Variants in ADCY8 observed in about 807,000 individuals in gnomAD.
ADCY8 encodes adenylate cyclase type 8.
In ADCY8, 51 loss-of-function variants were observed where a neutral mutation model predicts 119.7. The observed-to-expected ratio is 0.43, with a 90% CI of 0.34 to 0.54. The LOEUF (loss-of-function observed/expected upper bound fraction) is 0.54, where lower values mean the gene tolerates loss of function less well. Ranked by LOEUF, ADCY8 falls within the 20% of genes least tolerant of loss-of-function variation. The probability of loss-of-function intolerance (pLI) is 0.03; values close to 1 mark genes in which losing one functional copy is unlikely to be tolerated. For missense variants in ADCY8, 1,383 were observed against 1,598.8 expected (o/e 0.87, Z 2.30); for synonymous variants, 665 against 651.0 (o/e 1.02, Z -0.33).
chr8:130,804,434 T>G (rs1427181083), intron 14 of ADCY8, among the ~76,000 whole-genome samples: 1 of 152,204 alleles, frequency 6.6e-6, no homozygotes, highest in East Asian at 1.9e-4. Context: ...AATTACCTCT[T>G]TAAAGATGCT....
intron 3 of ADCY8, among the ~76,000 whole-genome samples, chr8:130,950,788 C>T (rs944722443): frequency 6.6e-6 from 1 of 152,200 alleles, no homozygotes; most frequent in Non-Finnish European, 1.5e-5. Flanking sequence ...CAACCTCCAC[C>T]TCCCGGGTTC....
intron 1 of ADCY8, among the ~76,000 whole-genome samples, chr8:130,994,753 G>C (rs1351874773): frequency 6.6e-6 from 1 of 152,000 alleles, no homozygotes; most frequent in Non-Finnish European, 1.5e-5. Context: ...TATTCATTTT[G>C]ATGCATACAT....
intron 9 of ADCY8, among the ~76,000 whole-genome samples, chr8:130,861,480 A>C (rs1817927086): frequency 6.6e-6 from 1 of 152,168 alleles, no homozygotes; most frequent in Non-Finnish European, 1.5e-5. Flanking sequence ...TCAAATTTCA[A>C]CGTTAGATGG....
At position 130,937,143 on chromosome 8, in the gene ADCY8, G is replaced by A; in HGVS notation, c.1411C>T (p.Leu471Phe). 1.2e-6 allele frequency: 2 copies of A among 1,613,914 alleles called. No homozygotes were observed. The highest frequency in any genetic ancestry group is 1.7e-6 in the Non-Finnish European group (2 of 1,179,880). ...GCATGGTCCTGGCGGGGCTCAGGAA[G>A]TCCAGACACGCAGTAGTAGCAGTCC... Reference protein sequence around the residue: ...LGDCYYCVSGLPEPRQDHAHC... With the variant: ...LGDCYYCVSGFPEPRQDHAHC... The change falls in exon 5 of 18, where the codon CTT becomes TTT. Residue 471 changes from leucine to phenylalanine, a missense_variant. Around this residue, in one of 2 missense-constraint regions of ADCY8, gnomAD observed 928 missense variants for 1,163.5 expected, o/e 0.80. Transcript: ENST00000286355.
At chr8:130,909,606 C>A (rs1479843974) in intron 6 of ADCY8, 102 bp downstream of exon 6, 9 of 1,383,620 alleles carry the variant, frequency 6.5e-6, no homozygotes, top group Non-Finnish European at 9.0e-6. Flanking sequence ...CAAATAATTG[C>A]TTCCTAGATC....
chr8:130,890,962 C>T (rs1471885324), intron 7 of ADCY8, among the ~76,000 whole-genome samples: 10 of 152,144 alleles, frequency 6.6e-5, no homozygotes, highest in African/African-American at 1.9e-4. Context: ...AAAGACCTAG[C>T]GAGAACGCCA....
In ADCY8 at chr8:131,039,995, G is replaced by A. The variant is rs544419533; in HGVS notation, c.339C>T (p.Ser113=). The stretch of plus-strand genomic sequence containing the variant: ...CGCTGCCGCTGGCACTGCCGCTCCC[G>A]CTGCGTTCCGGGAAGACTTTGGTGC... ...TCGTKVFPER[S]GSGSASGSGG... is the part of the protein sequence containing the mutation. The change falls in exon 1 of 18, where the codon AGC becomes AGT. Residue 113 remains serine (S), a synonymous_variant. Transcript: ENST00000286355. 2.0e-5 allele frequency: 32 copies of A among 1,567,646 alleles called. 1 individual carries two copies. In the East Asian group the frequency reaches 6.6e-4, roughly 32 times the overall value.
intron 12 of ADCY8, among the ~76,000 whole-genome samples, chr8:130,822,535 AATCCATCCATCCATCCATCC>A (rs145398330): frequency 4.2e-4 from 59 of 139,762 alleles, no homozygotes; most frequent in South Asian, 1.2e-3. Flanking sequence ...TGAATCCATG[AATCCATCCATCCATCCATCC>A]ATCCATCCAT....
rs1235929005 is a variant in ADCY8 at position 130,792,878 on chromosome 8, C to T, written c.3061-7403G>A. 6.6e-5 allele frequency among the ~76,000 whole-genome samples: 10 copies of T among 152,258 alleles called. No homozygotes were observed. In the South Asian group the frequency reaches 8.3e-4, roughly 13 times the overall value. ...TAAAAGCCAAAGCCTTTGCTCTGGTCCATGAGGTCCTGTAATATTTGGCAC... is the reference window on the plus strand; with the variant it reads ...TAAAAGCCAAAGCCTTTGCTCTGGTTCATGAGGTCCTGTAATATTTGGCAC... On this transcript the variant is annotated intron_variant, in intron 15 of 17. Transcript: ENST00000286355.
At chr8:130,882,213 G>A (rs1019334656) in intron 8 of ADCY8, among the ~76,000 whole-genome samples, 8 of 150,752 alleles carry the variant, frequency 5.3e-5, no homozygotes, top group Admixed American at 4.0e-4. Context: ...ATAGTAGCTG[G>A]ATTTTGAGAT....
At chr8:130,924,580 T>C (rs1355853738) in intron 5 of ADCY8, among the ~76,000 whole-genome samples, 1 of 152,206 alleles carries the variant, frequency 6.6e-6, no homozygotes, top group Non-Finnish European at 1.5e-5. Flanking sequence ...ATTTGCTGTC[T>C]CTAGGTCTCA....
At chr8:130,893,418 A>C (rs940486483) in intron 7 of ADCY8, among the ~76,000 whole-genome samples, 9 of 152,162 alleles carry the variant, frequency 5.9e-5, no homozygotes, top group African/African-American at 2.2e-4. Flanking sequence ...ATAGGGCCAC[A>C]GGGTAGGTGT....
At chr8:131,010,804 T>G (rs1171521632) in intron 1 of ADCY8, among the ~76,000 whole-genome samples, 1 of 152,238 alleles carries the variant, frequency 6.6e-6, no homozygotes, top group East Asian at 1.9e-4. Context: ...ACAAGCCAAC[T>G]GCTTTATCTG....
chr8:130,799,814 T>C (rs774447673), intron 15 of ADCY8, among the ~76,000 whole-genome samples: 14 of 152,210 alleles, frequency 9.2e-5, no homozygotes, highest in Non-Finnish European at 1.8e-4. Context: ...AATCACTTGC[T>C]TCCCAGCTCA....
chr8:131,000,602 A>G (rs1822912511), intron 1 of ADCY8, among the ~76,000 whole-genome samples: 3 of 152,074 alleles, frequency 2.0e-5, no homozygotes. Flanking sequence ...AAGTTTAGTC[A>G]TTTGCTTGAG....
At chr8:130,908,851 T>C (rs949624138) in intron 6 of ADCY8, among the ~76,000 whole-genome samples, 2 of 152,188 alleles carry the variant, frequency 1.3e-5, no homozygotes, top group Admixed American at 1.3e-4. Context: ...ATTCCACCTC[T>C]TGTTGTCTGT....
At chr8:130,904,483 A>G (rs1819716915) in intron 6 of ADCY8, among the ~76,000 whole-genome samples, 1 of 152,158 alleles carries the variant, frequency 6.6e-6, no homozygotes, top group South Asian at 2.1e-4. Context: ...TTCGTCTTGG[A>G]ACCTGTCCTA....
At chr8:130,884,867 T>G in intron 7 of ADCY8, 106 bp from the exon 8 acceptor site, 9 of 1,112,518 alleles carry the variant, frequency 8.1e-6, no homozygotes, top group Non-Finnish European at 1.2e-5. Flanking sequence ...GTAATAGCAT[T>G]CCATGCAGTT....
intron 15 of ADCY8, 40 bp downstream of exon 15, chr8:130,800,386 T>A (rs776292737): frequency 1.6e-5 from 25 of 1,611,348 alleles, no homozygotes; most frequent in Non-Finnish European, 2.0e-5. Context: ...TTGACAACGA[T>A]GCCCATTTGT....
Sources: allele counts gnomAD v4.1 joint callset (sites outside exome capture counted in the v4.1 genomes callset), GRCh38; gene constraint gnomAD v4.1.1; regional missense constraint gnomAD v4.1.1; transcripts MANE v1.5; gene names NCBI Gene and HGNC (gene_info 2026-07-23, HGNC 2026-07-21).